IL15: variants seen among roughly 807,000 people sequenced by gnomAD.
IL15 encodes interleukin-15.
IL15 carries 11 observed loss-of-function variants against 19.6 expected under a neutral mutation model. That is an observed-to-expected ratio of 0.56 (90% CI 0.35 to 0.93). The LOEUF (loss-of-function observed/expected upper bound fraction) is 0.93, where lower values mean the gene tolerates loss of function less well. Among genes scored for constraint, IL15 ranks in the 40% least tolerant of loss-of-function variants. The probability of loss-of-function intolerance (pLI) is 0.01; values close to 1 mark genes in which losing one functional copy is unlikely to be tolerated. For synonymous variants in IL15, 58 were observed against 59.6 expected (o/e 0.97, Z 0.12); for missense variants, 197 against 186.5 (o/e 1.06, Z -0.33).
At chr4:141,675,865 G>T (rs1056567485) in intron 2 of IL15, among the ~76,000 whole-genome samples, 1 of 152,156 alleles carries the variant, frequency 6.6e-6, no homozygotes, top group Middle Eastern at 3.2e-3. Flanking sequence ...TAGCTTTTAT[G>T]TGGGTACAGG....
At chr4:141,656,103 G>A (rs1330943485) in intron 1 of IL15, 83 bp from the exon 2 acceptor site, 1 of 396,232 alleles carries the variant, frequency 2.5e-6, no homozygotes, top group African/African-American at 2.1e-5. Flanking sequence ...GATCAGGTAT[G>A]TAGGTAACCA....
intron 5 of IL15, 72 bp downstream of exon 5, chr4:141,722,080 T>G: frequency 6.9e-7 from 1 of 1,451,062 alleles, no homozygotes; most frequent in Non-Finnish European, 9.2e-7. Flanking sequence ...TGTTTTTCTG[T>G]CTGTCTTAAG....
chr4:141,719,083 A>G (rs1034103613), intron 2 of IL15: 4 of 173,484 alleles, frequency 2.3e-5, no homozygotes, highest in Non-Finnish European at 3.6e-5. Context: ...GAATTTTTCA[A>G]TTCAGGGAAA....
intron 2 of IL15, among the ~76,000 whole-genome samples, chr4:141,676,838 A>G (rs1728365821): frequency 6.6e-6 from 1 of 152,308 alleles, no homozygotes; most frequent in South Asian, 2.1e-4. Context: ...TTCAAGAGCT[A>G]ATAGAAACCA....
chr4:141,681,277 T>C (rs1161368575), intron 2 of IL15, among the ~76,000 whole-genome samples: 10 of 151,926 alleles, frequency 6.6e-5, no homozygotes, highest in Admixed American at 3.9e-4. Context: ...GTTGGCATGT[T>C]TAATTAACCT....
At chr4:141,674,337 A>G (rs1728270147) in intron 2 of IL15, among the ~76,000 whole-genome samples, 1 of 152,184 alleles carries the variant, frequency 6.6e-6, no homozygotes, top group African/African-American at 2.4e-5. Flanking sequence ...ATTTAAACAA[A>G]CCTGTAAGTC....
intron 1 of IL15, among the ~76,000 whole-genome samples, chr4:141,645,303 A>G (rs1291858489): frequency 3.3e-5 from 5 of 152,130 alleles, no homozygotes; most frequent in Non-Finnish European, 7.4e-5. Context: ...AAGGTCTGTG[A>G]GACATCATTT....
chr4:141,710,927 C>CA (rs1729698112), intron 2 of IL15, among the ~76,000 whole-genome samples: 1 of 152,054 alleles, frequency 6.6e-6, no homozygotes, highest in Non-Finnish European at 1.5e-5. Context: ...CCATTTCCCC[C>CA]AGGGAGAGTA....
intron 2 of IL15, among the ~76,000 whole-genome samples, chr4:141,662,658 T>C (rs928010240): frequency 6.6e-6 from 1 of 152,224 alleles, no homozygotes; most frequent in African/African-American, 2.4e-5. Flanking sequence ...AGTATTTAGT[T>C]CATTTTTATT....
intron 1 of IL15, among the ~76,000 whole-genome samples, chr4:141,638,332 T>G (rs1166499630): frequency 6.6e-6 from 1 of 152,254 alleles, no homozygotes; most frequent in Non-Finnish European, 1.5e-5. Context: ...TCCTTATTCG[T>G]GTAAAATTCT....
At chr4:141,715,467 C>A (rs1172709040) in intron 2 of IL15, 1 of 152,146 alleles carries the variant, frequency 6.6e-6, no homozygotes, top group African/African-American at 2.4e-5. Context: ...ACCTTGTTTC[C>A]TTTTTCCTAG....
At chr4:141,700,649 T>C (rs1011602506) in intron 2 of IL15, among the ~76,000 whole-genome samples, 4 of 152,224 alleles carry the variant, frequency 2.6e-5, no homozygotes, top group Non-Finnish European at 5.9e-5. Flanking sequence ...TTAAAGCTTC[T>C]TGTATTTGCA....
intron 3 of IL15, among the ~76,000 whole-genome samples, 161 bp downstream of exon 3, chr4:141,719,637 GT>G (rs535140915): frequency 5.3e-5 from 8 of 152,022 alleles, no homozygotes; most frequent in Non-Finnish European, 1.2e-4. Context: ...AAATAAATAG[GT>G]TTTTAAAAAC....
chr4:141,729,868 A>G lies in IL15; in HGVS notation c.262A>G (p.Met88Val). 6.3e-7 allele frequency: 1 copy of G among 1,577,766 alleles called. No individual in the cohort carries two copies. Among genetic ancestry groups the G allele is most frequent in the Non-Finnish European group, 8.7e-7 (1 of 1,147,374 alleles). Residue 88 changes from methionine to valine, a missense_variant, in exon 7 of 8, where the codon ATG (methionine) becomes GTG (valine). Met to Val is a conservative substitution (Grantham distance 21, BLOSUM62 1). Transcript: ENST00000320650. ...TTAGCCCAGTTGCAAAGTAACAGCA[A>G]TGAAGTGCTTTCTCTTGGAGTTACA... Reference protein sequence around the residue: ...DVHPSCKVTAMKCFLLELQVI... With the variant: ...DVHPSCKVTAVKCFLLELQVI...
At chr4:141,689,239 G>A (rs1225162989) in intron 2 of IL15, among the ~76,000 whole-genome samples, 2 of 152,156 alleles carry the variant, frequency 1.3e-5, no homozygotes, top group Non-Finnish European at 2.9e-5. Flanking sequence ...GTGTGGAAGG[G>A]GACCTGAGCA....
intron 2 of IL15, among the ~76,000 whole-genome samples, chr4:141,663,644 C>T (rs2152163250): frequency 6.6e-6 from 1 of 152,254 alleles, no homozygotes; most frequent in Non-Finnish European, 1.5e-5. Context: ...ATGCAGCATT[C>T]CTTCCTCCCA....
At chr4:141,681,798 TAAGTCAAGTC>T (rs1728542425) in intron 2 of IL15, among the ~76,000 whole-genome samples, 1 of 145,664 alleles carries the variant, frequency 6.9e-6, no homozygotes, top group African/African-American at 2.8e-5. Context: ...TTCAGATGCT[TAAGTCAAGTC>T]GTTAATTGGC....
At chr4:141,710,834 A>G (rs1349071081) in intron 2 of IL15, among the ~76,000 whole-genome samples, 1 of 151,976 alleles carries the variant, frequency 6.6e-6, no homozygotes, top group Non-Finnish European at 1.5e-5. Context: ...TTTGCAATTA[A>G]TTAGCATAAG....
chr4:141,712,126 CTT>C (rs1729734235), intron 2 of IL15, among the ~76,000 whole-genome samples: 1 of 152,016 alleles, frequency 6.6e-6, no homozygotes, highest in African/African-American at 2.4e-5. Flanking sequence ...TCTGTTGTCT[CTT>C]TGCTGTCTGT....
Sources: gnomAD v4.1 joint callset for allele counts (sites outside exome capture counted in the v4.1 genomes callset) on GRCh38, gnomAD v4.1.1 for gene constraint, MANE v1.5 for transcripts, NCBI Gene and HGNC (gene_info 2026-07-23, HGNC 2026-07-21) for gene names.